Variants in CBLN4 observed in about 807,000 individuals in gnomAD.
CBLN4 encodes cerebellin 4 precursor, also known as cerebellin-4.
CBLN4 carries 7 observed loss-of-function variants against 14.9 expected under a neutral mutation model. That is an observed-to-expected ratio of 0.47 (90% CI 0.27 to 0.88). The LOEUF (loss-of-function observed/expected upper bound fraction) is 0.88. Among genes scored for constraint, CBLN4 ranks in the 40% least tolerant of loss-of-function variants. The probability of loss-of-function intolerance (pLI) is 0.14; values close to 1 mark genes in which losing one functional copy is unlikely to be tolerated. For synonymous variants in CBLN4, 131 were observed against 116.5 expected (o/e 1.12, Z -0.80); for missense variants, 188 against 256.8 (o/e 0.73, Z 1.83).
chr20:55,998,649 C>G lies in CBLN4; in HGVS notation c.514G>C (p.Glu172Gln). The G allele has an allele frequency of 6.2e-7, 1 of 1,614,162 alleles. No individual in the cohort carries two copies. Among genetic ancestry groups the G allele is most frequent in the Non-Finnish European group, 8.5e-7 (1 of 1,179,998 alleles). ...TNGVLLYLDK[E>Q]DKVYLKLEKG... ...TCCAGTTTTAGGTAAACCTTATCCT[C>G]TTTATCTAGGTAGAGCAGGACACCA... The change falls in exon 3 of 3, where the codon GAG becomes CAG. Residue 172 changes from glutamate to glutamine, a missense_variant. Transcript: ENST00000064571.
chr20:55,998,433 A>T lies in CBLN4; in HGVS notation c.*124T>A, dbSNP rs2082244708. 2 of 1,046,462 alleles carry T rather than the reference A, an allele frequency of 1.9e-6. No homozygotes were observed. The highest frequency in any genetic ancestry group is 2.8e-6 in the Non-Finnish European group (2 of 712,876). The allele number at this position is 1,046,462 out of a possible 1,614,324, so 64.8% of individuals were successfully genotyped here. On this transcript the variant is annotated 3_prime_UTR_variant, in exon 3 of 3. Transcript: ENST00000064571. Reference sequence around the variant, plus strand: ...TTGGTTCAGACAGGCTAGAATCCTTAGAATCCATATCCACCCATGAGAAAC... The same window carrying T: ...TTGGTTCAGACAGGCTAGAATCCTTTGAATCCATATCCACCCATGAGAAAC...
chr20:55,998,311 T>A lies in CBLN4; in HGVS notation c.*246A>T. On this transcript the variant is annotated 3_prime_UTR_variant, in exon 3 of 3. Coordinates refer to ENST00000064571, the MANE Select transcript of CBLN4 (RefSeq NM_080617.6). Reference sequence around the variant, plus strand: ...ATTCAGAATAAGTCTTGCAGACAGCTTTTGACTGTTACATTTAAGCATAGG... The same window carrying A: ...ATTCAGAATAAGTCTTGCAGACAGCATTTGACTGTTACATTTAAGCATAGG... The A allele has an allele frequency of 2.1e-6, 1 of 476,234 alleles. No homozygotes were observed. The highest frequency in any genetic ancestry group is 1.9e-5 in the African/African-American group (1 of 51,324). The allele number at this position is 476,234 out of a possible 1,614,324, so 29.5% of individuals were successfully genotyped here.
Position 56,005,325 on chromosome 20 carries a change from C to G in CBLN4, c.-1154G>C, listed in dbSNP as rs1172147412. On this transcript the variant is annotated 5_prime_UTR_variant, in exon 1 of 3. Coordinates refer to ENST00000064571, the MANE Select transcript of CBLN4 (RefSeq NM_080617.6). ...TCCCCTCACCCCTCCCAGCGCGGAA[C>G]TCTGCCGCCGAGTGCCCTCCAAGCG... 1 of 152,394 alleles carries G rather than the reference C, an allele frequency of 6.6e-6. No individual in the cohort carries two copies. The highest frequency in any genetic ancestry group is 1.5e-5 in the Non-Finnish European group (1 of 68,160). 9.4% of individuals were successfully genotyped at this position (152,394 alleles called of 1,614,324 possible). A position where few individuals can be genotyped will look rare whatever the true frequency, so the allele number is the denominator to read the frequency against.
At chr20:56,003,815 C>A (rs905108276) in intron 1 of CBLN4, 66 bp downstream of exon 1, 27 of 1,502,020 alleles carry the variant, frequency 1.8e-5, no homozygotes, top group Non-Finnish European at 2.3e-5. Context: ...CCTGGGCAGG[C>A]AGCCTCGTGC....
chr20:55,998,002 G>C lies in CBLN4; in HGVS notation c.*555C>G, dbSNP rs1326535015. 6.6e-6 allele frequency: 1 copy of C among 151,792 alleles called. No individual in the cohort carries two copies. The highest frequency in any genetic ancestry group is 2.4e-5 in the African/African-American group (1 of 41,170). 9.4% of individuals were successfully genotyped at this position (151,792 alleles called of 1,614,324 possible). ...ATATCGTAGTCAAGGTAAATTTGTGGGCAAGCCATTCATTACCTTATTTTA... is the reference window on the plus strand; with the variant it reads ...ATATCGTAGTCAAGGTAAATTTGTGCGCAAGCCATTCATTACCTTATTTTA... On this transcript the variant is annotated 3_prime_UTR_variant, in exon 3 of 3. Coordinates refer to ENST00000064571, the MANE Select transcript of CBLN4 (RefSeq NM_080617.6).
Position 56,000,957 on chromosome 20 carries a change from C to T in CBLN4, c.292-110G>A. On this transcript the variant is annotated intron_variant, in intron 1 of 2. Transcript: ENST00000064571. ...TCTCCTCTTCCTTCTTTCCCTCCTTCCTTCATTCCTTCCTTCCTCTTTCTT... is the reference window on the plus strand; with the variant it reads ...TCTCCTCTTCCTTCTTTCCCTCCTTTCTTCATTCCTTCCTTCCTCTTTCTT... The T allele has an allele frequency of 6.6e-6, 3 of 455,988 alleles. No homozygotes were observed. In the East Asian group the frequency reaches 1.1e-4, roughly 16 times the overall value. 28.2% of individuals were successfully genotyped at this position (455,988 alleles called of 1,614,324 possible).
At chr20:56,003,367 C>T (rs1403152341) in intron 1 of CBLN4, among the ~76,000 whole-genome samples, 1 of 152,248 alleles carries the variant, frequency 6.6e-6, no homozygotes, top group Non-Finnish European at 1.5e-5. Flanking sequence ...CCGCCCTCCG[C>T]GGCCACCTGC....
At chr20:56,002,944 G>T (rs1410901528) in intron 1 of CBLN4, among the ~76,000 whole-genome samples, 5 of 152,106 alleles carry the variant, frequency 3.3e-5, no homozygotes, top group Admixed American at 3.3e-4. Context: ...GATACTGTTG[G>T]GGCTGAAATT....
In CBLN4 at chr20:56,005,243, C is replaced by T. The variant is rs2145961404; in HGVS notation, c.-1072G>A. The T allele has an allele frequency of 6.6e-6, 1 of 152,526 alleles. No individual in the cohort carries two copies. The highest frequency in any genetic ancestry group is 1.9e-4 in the East Asian group (1 of 5,168). 9.4% of individuals were successfully genotyped at this position (152,526 alleles called of 1,614,324 possible). A position where few individuals can be genotyped will look rare whatever the true frequency, so the allele number is the denominator to read the frequency against. On this transcript the variant is annotated 5_prime_UTR_variant, in exon 1 of 3. Transcript: ENST00000064571. ...GAGGAGCCCACGGCCCTGCGCTGGC[C>T]CCAGCTCCGCGCCCACTCTCTCCTG... is the stretch of plus-strand genomic sequence containing the variant.
chr20:55,998,522 C>T lies in CBLN4; in HGVS notation c.*35G>A, dbSNP rs1313265897. The T allele has an allele frequency of 1.2e-6, 2 of 1,612,768 alleles. No homozygotes were observed. The highest frequency in any genetic ancestry group is 2.2e-5 in the East Asian group (1 of 44,874). On this transcript the variant is annotated 3_prime_UTR_variant, in exon 3 of 3. Coordinates refer to ENST00000064571, the MANE Select transcript of CBLN4 (RefSeq NM_080617.6). ...TCCAATAACTCAGGAGTGGGTCATC[C>T]CTCACCTGGATGAACATCATGGAGA...
chr20:56,000,981 TTTC>T (rs1986359521), intron 1 of CBLN4, 134 bp from the exon 2 acceptor site: 4 of 440,070 alleles, frequency 9.1e-6, no homozygotes, highest in African/African-American at 2.0e-5. Context: ...TTCCTCTTTC[TTTC>T]TTTTCTTTTT....
At chr20:55,999,955 T>C (rs144839299) in intron 2 of CBLN4, among the ~76,000 whole-genome samples, 1 of 152,356 alleles carries the variant, frequency 6.6e-6, no homozygotes, top group Admixed American at 6.5e-5. Context: ...AAAGTATTAA[T>C]AGATAAGCAT....
At position 55,998,757 on chromosome 20, in the gene CBLN4, A is replaced by G. The variant is rs1156873486; in HGVS notation, c.409-3T>C. 1 of 1,603,720 alleles carries G rather than the reference A, an allele frequency of 6.2e-7. No individual in the cohort carries two copies. Among genetic ancestry groups the G allele is most frequent in the East Asian group, 2.2e-5 (1 of 44,824 alleles). On this transcript the variant is annotated splice_region_variant and splice_polypyrimidine_tract_variant and intron_variant, in intron 2 of 2. Coordinates refer to ENST00000064571, the MANE Select transcript of CBLN4 (RefSeq NM_080617.6). The stretch of plus-strand genomic sequence containing the variant: ...TTTCCATTTAACATCAAGTTAACCT[A>G]GAAGAAGAAAAATAATAATAATTGA...
At chr20:56,000,543 T>C (rs375805047) in intron 2 of CBLN4, among the ~76,000 whole-genome samples, 188 bp downstream of exon 2, 6 of 152,240 alleles carry the variant, frequency 3.9e-5, no homozygotes, top group African/African-American at 1.4e-4. Flanking sequence ...TTCTATACGC[T>C]TTTTGTCACG....
At chr20:55,998,968 C>A (rs574339686) in intron 2 of CBLN4, among the ~76,000 whole-genome samples, 121 of 151,810 alleles carry the variant, frequency 8.0e-4, no homozygotes, top group African/African-American at 2.9e-3. Flanking sequence ...ATTGGAATTT[C>A]CTTAAATTCC....
At chr20:56,003,725 G>T (rs1163505637) in intron 1 of CBLN4, among the ~76,000 whole-genome samples, 156 bp downstream of exon 1, 1 of 152,126 alleles carries the variant, frequency 6.6e-6, no homozygotes, top group Admixed American at 6.5e-5. Context: ...GAAGAGGGAC[G>T]GTAGAAGTTT....
chr20:56,005,237 G>C lies in CBLN4; in HGVS notation c.-1066C>G, dbSNP rs893493724. 1 of 152,482 alleles carries C rather than the reference G, an allele frequency of 6.6e-6. No homozygotes were observed. Among genetic ancestry groups the C allele is most frequent in the East Asian group, 1.9e-4 (1 of 5,178 alleles). 9.4% of individuals were successfully genotyped at this position (152,482 alleles called of 1,614,324 possible). A position where few individuals can be genotyped will look rare whatever the true frequency, so the allele number is the denominator to read the frequency against. ...CCCAGAGAGGAGCCCACGGCCCTGC[G>C]CTGGCCCCAGCTCCGCGCCCACTCT... On this transcript the variant is annotated 5_prime_UTR_variant, in exon 1 of 3. Transcript: ENST00000064571.
intron 2 of CBLN4, among the ~76,000 whole-genome samples, chr20:55,999,221 G>T (rs6024561): frequency 0.094 from 14,371 of 152,184 alleles, 1,452 homozygotes; most frequent in African/African-American, 0.26. Context: ...GCTGTAACAT[G>T]CATACTACTG....
chr20:56,000,893 C>A, intron 1 of CBLN4, 46 bp from the exon 2 acceptor site: 3 of 1,011,280 alleles, frequency 3.0e-6, no homozygotes, highest in Admixed American at 2.7e-5. Context: ...ATATTTTCTT[C>A]TGTAACTAAA....
Sources: allele counts gnomAD v4.1 joint callset (sites outside exome capture counted in the v4.1 genomes callset), GRCh38; gene constraint gnomAD v4.1.1; transcripts MANE v1.5; gene names NCBI Gene and HGNC (gene_info 2026-07-23, HGNC 2026-07-21).